The following LRCH1 variants were observed in gnomAD, a reference collection of about 807,000 sequenced individuals.
LRCH1 encodes the protein leucine rich repeats and calponin homology domain containing 1.
A neutral mutation model predicts 94.9 loss-of-function variants in LRCH1; 23 were observed. The observed-to-expected ratio is 0.24, with a 90% CI of 0.17 to 0.34. LRCH1 has a LOEUF of 0.34. Among genes scored for constraint, LRCH1 ranks in the 10% least tolerant of loss-of-function variants. The pLI is 1.00. For missense variants in LRCH1, 790 were observed against 945.9 expected (o/e 0.84, Z 2.16); for synonymous variants, 364 against 354.9 (o/e 1.03, Z -0.29).
At chr13:46,668,014 TTAAA>T (rs1007923857) in intron 2 of LRCH1, among the ~76,000 whole-genome samples, 37 of 152,348 alleles carry the variant, frequency 2.4e-4, no homozygotes, top group Middle Eastern at 3.4e-3. Context: ...AGCAGTTTTA[TTAAA>T]TAGTTACACT....
chr13:46,591,640 G>A (rs1393880470), intron 1 of LRCH1, among the ~76,000 whole-genome samples: 1 of 152,180 alleles, frequency 6.6e-6, no homozygotes, highest in African/African-American at 2.4e-5. Context: ...AACCACATTA[G>A]ATTAGAGTTC....
At chr13:46,696,508 T>C (rs553437981) in intron 9 of LRCH1, among the ~76,000 whole-genome samples, 3 of 152,186 alleles carry the variant, frequency 2.0e-5, no homozygotes, top group Non-Finnish European at 4.4e-5. Flanking sequence ...AAGCGTATTG[T>C]TTCAGGAAAG....
intron 17 of LRCH1, among the ~76,000 whole-genome samples, chr13:46,727,123 G>A (rs1205044323): frequency 2.0e-5 from 3 of 152,196 alleles, no homozygotes; most frequent in African/African-American, 4.8e-5. Context: ...GTACATGGTC[G>A]AAGGAAAGGA....
intron 6 of LRCH1, among the ~76,000 whole-genome samples, chr13:46,688,903 C>G (rs3818945): frequency 2.6e-5 from 4 of 152,122 alleles, no homozygotes; most frequent in South Asian, 2.1e-4. Flanking sequence ...CATGAAACCC[C>G]GAACACAAAG....
chr13:46,603,263 G>A (rs1199514828), intron 1 of LRCH1, among the ~76,000 whole-genome samples: 1 of 152,146 alleles, frequency 6.6e-6, no homozygotes, highest in East Asian at 1.9e-4. Context: ...GAGCCACACT[G>A]TGGATCTGAG....
At chr13:46,596,490 T>C (rs1015682806) in intron 1 of LRCH1, among the ~76,000 whole-genome samples, 1 of 152,256 alleles carries the variant, frequency 6.6e-6, no homozygotes, top group Non-Finnish European at 1.5e-5. Context: ...CTGCTATGAA[T>C]AGCAAATTGG....
intron 4 of LRCH1, among the ~76,000 whole-genome samples, chr13:46,684,901 G>A (rs933583244): frequency 2.0e-5 from 3 of 152,212 alleles, no homozygotes; most frequent in East Asian, 1.9e-4. Flanking sequence ...TTGACATAAC[G>A]TAGCTGAGTA....
chr13:46,742,768 T>G lies in LRCH1; in HGVS notation c.*920T>G. 1 of 985,396 alleles carries G rather than the reference T, an allele frequency of 1.0e-6. No individual in the cohort carries two copies. Among genetic ancestry groups the G allele is most frequent in the Non-Finnish European group, 1.2e-6 (1 of 829,922 alleles). 61.0% of individuals were successfully genotyped at this position (985,396 alleles called of 1,614,324 possible). ...CTCTATTCATTTTCAAATAAAGCCA[T>G]GAGCCGTGGAACATTCTTGGTCCTG... On this transcript the variant is annotated 3_prime_UTR_variant, in exon 20 of 20. Transcript: ENST00000389797.
At chr13:46,702,708 G>GT (rs1010443680) in intron 11 of LRCH1, among the ~76,000 whole-genome samples, 4 of 152,178 alleles carry the variant, frequency 2.6e-5, no homozygotes, top group African/African-American at 9.7e-5. Context: ...TGGATTGAAT[G>GT]AAAGGCTTAG....
chr13:46,575,382 C>A (rs1318776409), intron 1 of LRCH1, among the ~76,000 whole-genome samples: 1 of 152,172 alleles, frequency 6.6e-6, no homozygotes, highest in African/African-American at 2.4e-5. Flanking sequence ...GCTCTTACTG[C>A]AACCTTGTGA....
At chr13:46,699,247 C>A in intron 9 of LRCH1, 89 bp from the exon 10 acceptor site, 1 of 972,304 alleles carries the variant, frequency 1.0e-6, no homozygotes, top group Non-Finnish European at 1.7e-6. Context: ...TTGTGAATAA[C>A]GCTGTTATAA....
chr13:46,682,240 C>T (rs1289830489), intron 4 of LRCH1, among the ~76,000 whole-genome samples: 1 of 152,058 alleles, frequency 6.6e-6, no homozygotes, highest in Non-Finnish European at 1.5e-5. Context: ...TCTGAGGCCT[C>T]TCAGCTTGGC....
rs7989405 is a variant in LRCH1, at chr13:46,679,442, G to A, written c.580-2299G>A. On this transcript the variant is annotated intron_variant, in intron 3 of 19. Coordinates refer to ENST00000389797, the MANE Select transcript of LRCH1 (RefSeq NM_001164211.2). ...GCATTTCACTGTTCTCTTCTCCCAT[G>A]TGGAAATACATTCGGAAAGGCAGGG... Among the ~76,000 whole-genome samples the A allele has an allele frequency of 5.4e-3, 820 of 152,334 alleles. 7 individuals are homozygous for A. Among genetic ancestry groups the A allele is most frequent in the African/African-American group, 0.018 (759 of 41,568 alleles).
Position 46,742,367 on chromosome 13 carries a change from C to T in LRCH1, c.*519C>T, listed in dbSNP as rs1350226602. 2.1e-5 allele frequency: 21 copies of T among 993,580 alleles called. No individual in the cohort carries two copies. The Admixed American group carries it at 1.0e-3, about 47-fold the overall frequency. 61.5% of individuals were successfully genotyped at this position (993,580 alleles called of 1,614,324 possible). A position where few individuals can be genotyped will look rare whatever the true frequency, so the allele number is the denominator to read the frequency against. ...TGATCTATACAAAACTTTAATAATA[C>T]CACTACTGACCAAGTTGGACGTGTA... is the stretch of plus-strand genomic sequence containing the variant. On this transcript the variant is annotated 3_prime_UTR_variant, in exon 20 of 20. Coordinates refer to ENST00000389797, the MANE Select transcript of LRCH1 (RefSeq NM_001164211.2).
chr13:46,644,330 A>G (rs2051194762), intron 1 of LRCH1, among the ~76,000 whole-genome samples: 1 of 152,158 alleles, frequency 6.6e-6, no homozygotes, highest in Non-Finnish European at 1.5e-5. Context: ...TTAAAGCACA[A>G]TTAGGGCATC....
In LRCH1 at chr13:46,742,298, G is replaced by A; in HGVS notation, c.*450G>A. On this transcript the variant is annotated 3_prime_UTR_variant, in exon 20 of 20. Coordinates refer to ENST00000389797, the MANE Select transcript of LRCH1 (RefSeq NM_001164211.2). ...GACTGGGCAATTGAGCTGTATAGGG[G>A]CCACCTTGCAGGGAGGACAGAAAAC... The A allele has an allele frequency of 3.9e-6, 4 of 1,015,782 alleles. No individual in the cohort carries two copies. The highest frequency in any genetic ancestry group is 4.7e-6 in the Non-Finnish European group (4 of 848,214). The allele number at this position is 1,015,782 out of a possible 1,614,324, so 62.9% of individuals were successfully genotyped here.
At chr13:46,562,472 AG>A (rs1164374746) in intron 1 of LRCH1, among the ~76,000 whole-genome samples, 1 of 152,138 alleles carries the variant, frequency 6.6e-6, no homozygotes, top group Non-Finnish European at 1.5e-5. Flanking sequence ...TCCCTTCCTG[AG>A]CCCAAATTTC....
Position 46,692,737 on chromosome 13 carries a change from C to CTAGAGTATGT in LRCH1, c.1120+97_1120+106dup, listed in dbSNP as rs554010396. 234 of 879,876 alleles carry CTAGAGTATGT rather than the reference C, an allele frequency of 2.7e-4. 3 individuals are homozygous for CTAGAGTATGT. The South Asian group carries it at 2.9e-3, about 11-fold the overall frequency. The allele number at this position is 879,876 out of a possible 1,614,324, so 54.5% of individuals were successfully genotyped here. On this transcript the variant is annotated intron_variant, in intron 8 of 19. Coordinates refer to ENST00000389797, the MANE Select transcript of LRCH1 (RefSeq NM_001164211.2). The stretch of plus-strand genomic sequence containing the variant: ...CACAGATAGGGCAGTGATAATCTTT[C>CTAGAGTATGT]TAGAGTATGTCCTATGTACCAGGTA...
At chr13:46,628,012 G>A (rs887834201) in intron 1 of LRCH1, among the ~76,000 whole-genome samples, 24 of 152,072 alleles carry the variant, frequency 1.6e-4, no homozygotes, top group African/African-American at 5.8e-4. Context: ...CTGGCTTATG[G>A]GAAATATTGG....
Sources: gnomAD v4.1 joint callset for allele counts (sites outside exome capture counted in the v4.1 genomes callset) on GRCh38, gnomAD v4.1.1 for gene constraint, MANE v1.5 for transcripts, NCBI Gene and HGNC (gene_info 2026-07-23, HGNC 2026-07-21) for gene names.